The following GRAMD1B variants were observed in gnomAD, a reference collection of about 807,000 sequenced individuals.
GRAMD1B encodes the protein protein Aster-B.
In GRAMD1B, 37 loss-of-function variants were observed where a neutral mutation model predicts 99.7. That is an observed-to-expected ratio of 0.37 (90% confidence interval 0.29 to 0.49). The LOEUF is 0.49. GRAMD1B is among the 20% of genes least tolerant of loss of function. The probability of loss-of-function intolerance (pLI) is 0.98; values close to 1 mark genes in which losing one functional copy is unlikely to be tolerated. For missense variants in GRAMD1B, 888 were observed against 1,009.2 expected (o/e 0.88, Z 1.63); for synonymous variants, 427 against 387.6 (o/e 1.10, Z -1.19).
intron 1 of GRAMD1B, among the ~76,000 whole-genome samples, chr11:123,476,323 A>T (rs930204756): frequency 1.3e-5 from 2 of 151,724 alleles, no homozygotes; most frequent in Non-Finnish European, 2.9e-5. Flanking sequence ...CTGGTCTCGA[A>T]CTCCTTACTT....
At chr11:123,534,242 A>G (rs1019477539) in intron 2 of GRAMD1B, among the ~76,000 whole-genome samples, 9 of 152,226 alleles carry the variant, frequency 5.9e-5, no homozygotes, top group Non-Finnish European at 1.2e-4. Context: ...GAAAGTCATA[A>G]GAGAATATAT....
chr11:123,576,944 T>A (rs768559388), intron 2 of GRAMD1B, among the ~76,000 whole-genome samples: 5 of 152,246 alleles, frequency 3.3e-5, no homozygotes, highest in Non-Finnish European at 7.3e-5. Flanking sequence ...CAAAAATATC[T>A]GAACAAAATA....
intron 3 of GRAMD1B, among the ~76,000 whole-genome samples, chr11:123,580,896 C>G (rs1051854097): frequency 6.9e-6 from 1 of 144,880 alleles, no homozygotes; most frequent in Non-Finnish European, 1.5e-5. Context: ...CCTTCTTTGA[C>G]TTTCCTTTTT....
intron 19 of GRAMD1B, among the ~76,000 whole-genome samples, chr11:123,620,738 T>C (rs1323962432): frequency 2.0e-5 from 3 of 152,180 alleles, no homozygotes; most frequent in Admixed American, 2.0e-4. Flanking sequence ...TGTCAAGGGT[T>C]AGACTTACTG....
At chr11:123,393,937 C>G (rs1436537983) in intron 1 of GRAMD1B, among the ~76,000 whole-genome samples, 3 of 152,216 alleles carry the variant, frequency 2.0e-5, no homozygotes, top group Non-Finnish European at 1.5e-5. Context: ...CATCTCTCTT[C>G]AATTTCATTC....
chr11:123,577,578 G>C lies in GRAMD1B; in HGVS notation c.663+1G>C. On this transcript the variant is annotated splice_donor_variant, in intron 3 of 19. Transcript: ENST00000635736. LOFTEE classifies it high-confidence loss of function. ...CCGGAGCGGCGGCAAGAATTCCAAG[G>C]TGAGCGGGACCCCGTTGAGGCGGTA... 6.3e-7 allele frequency: 1 copy of C among 1,577,244 alleles called. No homozygotes were observed. Among genetic ancestry groups the C allele is most frequent in the Non-Finnish European group, 8.6e-7 (1 of 1,161,518 alleles).
In GRAMD1B at chr11:123,406,875, G is replaced by A. The variant is rs74735790; in HGVS notation, c.-176+48076G>A. ...ATCTTCAGGCTCAGTTCATTCATTC[G>A]TTCATGCACCAAATATATATCAATG... On this transcript the variant is annotated intron_variant, in intron 1 of 20. Coordinates refer to the GRAMD1B transcript ENST00000638157. 4.2e-3 allele frequency among the ~76,000 whole-genome samples: 637 copies of A among 152,214 alleles called. 5 individuals carry two copies. Among genetic ancestry groups the A allele is most frequent in the African/African-American group, 0.015 (603 of 41,534 alleles).
chr11:123,461,213 C>T (rs975063551), intron 1 of GRAMD1B, among the ~76,000 whole-genome samples: 1 of 152,192 alleles, frequency 6.6e-6, no homozygotes, highest in East Asian at 1.9e-4. Context: ...TCAGTTCAGT[C>T]GTCTTTCTGG....
chr11:123,556,609 A>G (rs1423006300), intron 2 of GRAMD1B, among the ~76,000 whole-genome samples: 1 of 152,210 alleles, frequency 6.6e-6, no homozygotes, highest in Non-Finnish European at 1.5e-5. Context: ...TAAAAAGTAG[A>G]AGATAGTGTC....
intron 1 of GRAMD1B, among the ~76,000 whole-genome samples, chr11:123,451,337 A>T (rs1288526539): frequency 6.6e-6 from 1 of 152,270 alleles, no homozygotes; most frequent in East Asian, 1.9e-4. Context: ...TAATGAGTAG[A>T]CCCACCTGGC....
At chr11:123,381,241 T>C (rs1946862752) in intron 1 of GRAMD1B, among the ~76,000 whole-genome samples, 2 of 152,184 alleles carry the variant, frequency 1.3e-5, no homozygotes, top group Admixed American at 6.5e-5. Flanking sequence ...GTGGTGACGA[T>C]GGCCCTGAGA....
chr11:123,609,696 T>G, intron 12 of GRAMD1B, 99 bp from the exon 13 acceptor site: 4 of 683,076 alleles, frequency 5.9e-6, no homozygotes, highest in East Asian at 2.9e-5. Flanking sequence ...GGCCAGGCAG[T>G]AGTAAGCACA....
intron 2 of GRAMD1B, among the ~76,000 whole-genome samples, chr11:123,491,484 G>A (rs1938554847): frequency 6.6e-6 from 1 of 151,944 alleles, no homozygotes. Context: ...CCCAGCACCA[G>A]CAGCTGACAT....
intron 1 of GRAMD1B, among the ~76,000 whole-genome samples, chr11:123,368,698 A>AAAAAG (rs1565453543): frequency 6.6e-6 from 1 of 150,828 alleles, no homozygotes. Context: ...AAAAAAAAAA[A>AAAAAG]AAAAGAAAGA....
chr11:123,368,024 G>A (rs1946379545), intron 1 of GRAMD1B, among the ~76,000 whole-genome samples: 1 of 152,020 alleles, frequency 6.6e-6, no homozygotes, highest in Admixed American at 6.6e-5. Flanking sequence ...GGGAGGCCTA[G>A]GCAGGTGGAT....
intron 2 of GRAMD1B, among the ~76,000 whole-genome samples, chr11:123,557,493 T>C (rs1946285691): frequency 6.6e-6 from 1 of 152,210 alleles, no homozygotes; most frequent in South Asian, 2.1e-4. Context: ...CTAGAAAATA[T>C]TTTTCACTGT....
rs949068802 is a variant in GRAMD1B, at chr11:123,478,697, G to A, written c.375-2119G>A. ...TTATTAGTTTAAAATTTTGATTGCC[G>A]GGGGAGGATAGGGGGACTAGGAAGA... On this transcript the variant is annotated intron_variant, in intron 1 of 19. Transcript: ENST00000635736. Among the ~76,000 whole-genome samples the A allele has an allele frequency of 7.2e-5, 11 of 152,128 alleles. 1 individual carries two copies. The highest frequency in any genetic ancestry group is 7.2e-5 in the African/African-American group (3 of 41,424).
intron 1 of GRAMD1B, among the ~76,000 whole-genome samples, chr11:123,441,761 A>G (rs1364728754): frequency 6.6e-6 from 1 of 152,090 alleles, no homozygotes; most frequent in Non-Finnish European, 1.5e-5. Context: ...ACGCCACTGC[A>G]CTCCAGCCTG....
intron 1 of GRAMD1B, among the ~76,000 whole-genome samples, chr11:123,367,750 A>C (rs1946369723): frequency 6.6e-6 from 1 of 151,530 alleles, no homozygotes. Flanking sequence ...TAGGAATATA[A>C]CTCTAGAAGC....
Sources: allele counts gnomAD v4.1 joint callset (sites outside exome capture counted in the v4.1 genomes callset), GRCh38; gene constraint gnomAD v4.1.1; transcripts MANE v1.5; gene names NCBI Gene and HGNC (gene_info 2026-07-23, HGNC 2026-07-21).